The following TEX36 variants were observed in gnomAD, a reference collection of about 807,000 sequenced individuals.
TEX36 encodes testis-expressed protein 36.
Under a neutral mutation model 13.6 loss-of-function variants are expected in TEX36, and 12 were observed. The ratio of observed to expected loss-of-function variants is 0.88; its 90% CI spans 0.56 to 1.43. TEX36 has a LOEUF of 1.43. TEX36 is among the 40% of genes most tolerant of loss of function. TEX36 has a pLI of 0.00. For synonymous variants in TEX36, 93 were observed against 83.0 expected, an observed-to-expected ratio of 1.12 and a Z score of -0.65; for missense variants, 224 against 228.3, an observed-to-expected ratio of 0.98 and a Z score of 0.12.
intron 3 of TEX36, among the ~76,000 whole-genome samples, chr10:125,597,250 G>C (rs1295091467): frequency 2.0e-5 from 3 of 152,172 alleles, no homozygotes; most frequent in African/African-American, 7.2e-5. Context: ...TGTCCACCAT[G>C]TGAAGTCCAT....
chr10:125,633,587 T>G (rs1846586864), intron 3 of TEX36, among the ~76,000 whole-genome samples: 1 of 152,192 alleles, frequency 6.6e-6, no homozygotes, highest in African/African-American at 2.4e-5. Context: ...TTCCAGTCCC[T>G]CCCCATAAGC....
chr10:125,611,534 T>G (rs927293618), intron 3 of TEX36, among the ~76,000 whole-genome samples: 1 of 152,238 alleles, frequency 6.6e-6, no homozygotes, highest in African/African-American at 2.4e-5. Context: ...ACTGTCCAGT[T>G]CTAAGCCCGT....
At chr10:125,668,853 A>T (rs900414828) in intron 1 of TEX36, among the ~76,000 whole-genome samples, 2 of 151,952 alleles carry the variant, frequency 1.3e-5, no homozygotes, top group Non-Finnish European at 2.9e-5. Context: ...GTAGGTATTT[A>T]TTGCTATAAA....
chr10:125,650,263 C>A (rs1370709724), intron 3 of TEX36, among the ~76,000 whole-genome samples: 1 of 152,162 alleles, frequency 6.6e-6, no homozygotes, highest in Admixed American at 6.5e-5. Flanking sequence ...CACTCCTCAG[C>A]AAATGTAAAA....
intron 3 of TEX36, among the ~76,000 whole-genome samples, chr10:125,611,875 G>T (rs933134207): frequency 6.6e-6 from 1 of 151,756 alleles, no homozygotes; most frequent in Non-Finnish European, 1.5e-5. Context: ...TCAGGTCTCT[G>T]CTTGTGTTTT....
intron 3 of TEX36, among the ~76,000 whole-genome samples, chr10:125,641,339 A>G (rs1194558644): frequency 1.3e-5 from 2 of 152,254 alleles, no homozygotes; most frequent in Non-Finnish European, 2.9e-5. Context: ...CTCTAAAAAG[A>G]GGCAGGCATT....
At chr10:125,609,157 G>GAAAAAAAAAAAAAAA (rs1846258184) in intron 3 of TEX36, among the ~76,000 whole-genome samples, 1 of 102,898 alleles carries the variant, frequency 9.7e-6, no homozygotes, top group African/African-American at 6.5e-5. Context: ...TCCATCTCAG[G>GAAAAAAAAAAAAAAA]AAAAAACAAA....
At chr10:125,644,562 C>T (rs891765447) in intron 3 of TEX36, among the ~76,000 whole-genome samples, 31 of 152,258 alleles carry the variant, frequency 2.0e-4, no homozygotes, top group South Asian at 8.3e-4. Flanking sequence ...AACACATACA[C>T]GCACACGTAA....
intron 1 of TEX36, among the ~76,000 whole-genome samples, chr10:125,668,174 G>A (rs1461823306): frequency 6.6e-6 from 1 of 152,074 alleles, no homozygotes; most frequent in Non-Finnish European, 1.5e-5. Context: ...ATGCTGGTTG[G>A]CCTCATAGAA....
intron 3 of TEX36, among the ~76,000 whole-genome samples, chr10:125,581,579 C>A (rs1309994912): frequency 6.6e-6 from 1 of 152,194 alleles, no homozygotes; most frequent in Non-Finnish European, 1.5e-5. Context: ...CTCTCAGAGT[C>A]AGCTTTTAGG....
At chr10:125,628,995 C>T (rs138074930) in intron 3 of TEX36, among the ~76,000 whole-genome samples, 90 of 152,302 alleles carry the variant, frequency 5.9e-4, no homozygotes, top group African/African-American at 2.1e-3. Context: ...ATTTGACAGG[C>T]GAGAAAGCTG....
intron 3 of TEX36, among the ~76,000 whole-genome samples, chr10:125,634,643 C>T (rs1846601003): frequency 6.6e-6 from 1 of 152,176 alleles, no homozygotes; most frequent in South Asian, 2.1e-4. Context: ...TTGCGTGCTG[C>T]AACTTTGTAG....
chr10:125,590,187 T>A (rs931726656), intron 3 of TEX36, among the ~76,000 whole-genome samples: 14 of 152,090 alleles, frequency 9.2e-5, no homozygotes, highest in Non-Finnish European at 2.9e-5. Flanking sequence ...CCATCTCGGA[T>A]CACTGCAGTC....
chr10:125,600,317 G>T (rs983433445), intron 3 of TEX36, among the ~76,000 whole-genome samples: 5 of 152,106 alleles, frequency 3.3e-5, no homozygotes, highest in Non-Finnish European at 7.4e-5. Flanking sequence ...GCTGAGGAGG[G>T]AGTAGAGACT....
chr10:125,616,348 G>C (rs1846358525), intron 3 of TEX36, among the ~76,000 whole-genome samples: 2 of 146,236 alleles, frequency 1.4e-5, no homozygotes, highest in South Asian at 2.3e-4. Context: ...GTTTGCTCTT[G>C]CTTTTCTAGT....
At chr10:125,631,294 TA>T (rs1270958036) in intron 3 of TEX36, among the ~76,000 whole-genome samples, 1 of 152,160 alleles carries the variant, frequency 6.6e-6, no homozygotes, top group African/African-American at 2.4e-5. Context: ...TTTTGACTCC[TA>T]AAAAATAGCG....
At chr10:125,658,770 T>A (rs1216444759) in intron 3 of TEX36, among the ~76,000 whole-genome samples, 1 of 152,130 alleles carries the variant, frequency 6.6e-6, no homozygotes, top group African/African-American at 2.4e-5. Context: ...TCTTCCAATT[T>A]TTTTAGGAAA....
chr10:125,650,052 A>G (rs540379119), intron 3 of TEX36, among the ~76,000 whole-genome samples: 3 of 152,318 alleles, frequency 2.0e-5, no homozygotes, highest in African/African-American at 7.2e-5. Flanking sequence ...ATTATGGGAG[A>G]CTGTAACACC....
intron 1 of TEX36, among the ~76,000 whole-genome samples, chr10:125,676,135 G>A (rs528724183): frequency 6.6e-6 from 1 of 152,274 alleles, no homozygotes; most frequent in Non-Finnish European, 1.5e-5. Context: ...GGTCCATTTG[G>A]CCTAAAGTTC....
Sources: gnomAD v4.1 joint callset for allele counts (sites outside exome capture counted in the v4.1 genomes callset) on GRCh38, gnomAD v4.1.1 for gene constraint, MANE v1.5 for transcripts, NCBI Gene and HGNC (gene_info 2026-07-23, HGNC 2026-07-21) for gene names.